The following NRXN3 variants were observed in gnomAD, a reference collection of about 807,000 sequenced individuals.
The protein encoded by NRXN3 is neurexin 3.
A neutral mutation model predicts 137.6 loss-of-function variants in NRXN3; 32 were observed. The observed-to-expected ratio is 0.23, with a 90% CI of 0.18 to 0.31. The LOEUF (loss-of-function observed/expected upper bound fraction) is 0.31. NRXN3 is among the 10% of genes least tolerant of loss of function. The pLI is 1.00. For synonymous variants in NRXN3, 798 were observed against 784.5 expected (o/e 1.02, Z -0.29); for missense variants, 1,574 against 2,062.5 (o/e 0.76, Z 4.59).
At chr14:78,832,257 C>A (rs975138513) in intron 10 of NRXN3, among the ~76,000 whole-genome samples, 1 of 151,680 alleles carries the variant, frequency 6.6e-6, no homozygotes, top group Non-Finnish European at 1.5e-5. Context: ...AGAAGTCTGC[C>A]TAAGATGTTG....
chr14:79,406,688 C>A (rs189598895), intron 15 of NRXN3, among the ~76,000 whole-genome samples: 1 of 152,096 alleles, frequency 6.6e-6, no homozygotes, highest in Admixed American at 6.5e-5. Flanking sequence ...TTTGGTTATT[C>A]ACTTCCAGGT....
chr14:79,610,826 A>G (rs1351717539), intron 16 of NRXN3, among the ~76,000 whole-genome samples: 3 of 152,224 alleles, frequency 2.0e-5, no homozygotes, highest in Admixed American at 6.5e-5. Flanking sequence ...CCCATTTATC[A>G]AAGCCTCTGT....
chr14:78,515,641 G>A (rs1401163523), intron 4 of NRXN3, among the ~76,000 whole-genome samples: 2 of 152,098 alleles, frequency 1.3e-5, no homozygotes, highest in African/African-American at 4.8e-5. Flanking sequence ...CAGGAGTTGA[G>A]CACAGATCCA....
intron 20 of NRXN3, among the ~76,000 whole-genome samples, chr14:79,852,773 T>G (rs1408617558): frequency 6.6e-6 from 1 of 152,134 alleles, no homozygotes; most frequent in Non-Finnish European, 1.5e-5. Context: ...GTCTGGTTGT[T>G]CATCTCTGAA....
At chr14:78,272,406 G>A (rs117972194) in intron 2 of NRXN3, among the ~76,000 whole-genome samples, 1,573 of 152,298 alleles carry the variant, frequency 0.01, 8 homozygotes, top group Non-Finnish European at 0.018. Context: ...GGAATTCTGG[G>A]TACCAGAGCA....
intron 4 of NRXN3, among the ~76,000 whole-genome samples, chr14:78,418,807 CTTCAT>C (rs756635434): frequency 1.3e-5 from 2 of 152,158 alleles, no homozygotes; most frequent in Non-Finnish European, 2.9e-5. Flanking sequence ...ACCTGGCTTA[CTTCAT>C]TTCAATTTAT....
At chr14:78,918,302 AAAAAAG>A (rs1286759573) in intron 10 of NRXN3, among the ~76,000 whole-genome samples, 22 of 146,366 alleles carry the variant, frequency 1.5e-4, no homozygotes, top group Admixed American at 5.3e-4. Flanking sequence ...AAAAAAAAAA[AAAAAAG>A]AGAGAGAGAG....
intron 1 of NRXN3, among the ~76,000 whole-genome samples, chr14:78,186,688 C>G (rs765914757): frequency 2.0e-5 from 3 of 152,148 alleles, no homozygotes; most frequent in Non-Finnish European, 4.4e-5. Flanking sequence ...CCTGAGCTGG[C>G]AAAAGAGGGC....
At chr14:79,236,240 A>T (rs2153315261) in intron 15 of NRXN3, among the ~76,000 whole-genome samples, 1 of 152,242 alleles carries the variant, frequency 6.6e-6, no homozygotes, top group Non-Finnish European at 1.5e-5. Flanking sequence ...CGTTCTCACA[A>T]ACTTATACAA....
chr14:78,179,863 TA>T (rs1303237180), intron 1 of NRXN3, among the ~76,000 whole-genome samples: 1 of 150,574 alleles, frequency 6.6e-6, no homozygotes, highest in African/African-American at 2.4e-5. Flanking sequence ...TTTCTTGTTT[TA>T]GACAGAATCC....
At chr14:79,258,929 T>C (rs771027558) in intron 15 of NRXN3, among the ~76,000 whole-genome samples, 2 of 152,182 alleles carry the variant, frequency 1.3e-5, no homozygotes, top group Admixed American at 6.5e-5. Flanking sequence ...TTTTGAGTAA[T>C]AGAACAAAGT....
chr14:79,600,839 G>C (rs561382261), intron 16 of NRXN3, among the ~76,000 whole-genome samples: 5 of 152,056 alleles, frequency 3.3e-5, no homozygotes, highest in African/African-American at 1.2e-4. Context: ...GATGAGCCCG[G>C]AGAATCTGGT....
intron 10 of NRXN3, among the ~76,000 whole-genome samples, chr14:78,846,774 C>A (rs1486719472): frequency 6.6e-6 from 1 of 152,076 alleles, no homozygotes; most frequent in African/African-American, 2.4e-5. Flanking sequence ...CTCAAAGTCT[C>A]CCTTGCTACT....
At chr14:78,974,737 G>A (rs12895928) in intron 14 of NRXN3, among the ~76,000 whole-genome samples, 13,040 of 152,006 alleles carry the variant, frequency 0.086, 857 homozygotes, top group Non-Finnish European at 0.11. Flanking sequence ...TATAGGAAAA[G>A]CTTTTAGTTT....
intron 16 of NRXN3, among the ~76,000 whole-genome samples, chr14:79,529,503 C>A (rs2097151024): frequency 6.6e-6 from 1 of 152,188 alleles, no homozygotes; most frequent in Admixed American, 6.5e-5. Context: ...ATGAGAGGGT[C>A]TCTCTCTTCC....
rs754141401 is a variant in NRXN3, at chr14:78,943,610, T to TAAAAAAAAA, written c.2276-13628_2276-13620dup. Among the ~76,000 whole-genome samples the TAAAAAAAAA allele has an allele frequency of 4.9e-4, 14 of 28,754 alleles. 1 individual carries two copies. The highest frequency in any genetic ancestry group is 2.5e-3 in the African/African-American group (13 of 5,136). 18.9% of individuals were successfully genotyped at this position (28,754 alleles called of 152,430 possible). On this transcript the variant is annotated intron_variant, in intron 10 of 20. Transcript: ENST00000335750. ...TTGAGAAAAGAAGCAAGATCACTGT[T>TAAAAAAAAA]AAAAAAAAAAAATATATATATATAT...
chr14:79,307,759 CCTCTCTTTCTCTCTCT>C (rs1218357365), intron 15 of NRXN3, among the ~76,000 whole-genome samples: 1 of 151,864 alleles, frequency 6.6e-6, no homozygotes, highest in African/African-American at 2.4e-5. Context: ...TTTCATTTCA[CCTCTCTTTCTCTCTCT>C]CTCTCTTTCT....
In NRXN3 at chr14:79,861,116, A is replaced by G. The variant is rs889984097; in HGVS notation, c.4094-226A>G. ...TATTGCTACTCGTGCACCTTCCATT[A>G]CACTCCCCCCTACCTTTCGCCCCCT... On this transcript the variant is annotated intron_variant, in intron 20 of 20. Transcript: ENST00000335750. The surrounding 1 kb of genome is among the most constrained non-coding windows in gnomAD (Gnocchi z 5.4). 8.1e-6 allele frequency: 12 copies of G among 1,473,540 alleles called. No individual in the cohort carries two copies. The highest frequency in any genetic ancestry group is 9.0e-6 in the Non-Finnish European group (10 of 1,115,902). 91.3% of individuals were successfully genotyped at this position (1,473,540 alleles called of 1,614,324 possible).
intron 1 of NRXN3, among the ~76,000 whole-genome samples, chr14:78,172,442 G>C (rs1022434862): frequency 6.6e-6 from 1 of 152,086 alleles, no homozygotes; most frequent in Non-Finnish European, 1.5e-5. Flanking sequence ...GGATGGAGGG[G>C]AGTGAGAGGA....
Sources: gnomAD v4.1 joint callset for allele counts (sites outside exome capture counted in the v4.1 genomes callset) on GRCh38, gnomAD v4.1.1 for gene constraint, Gnocchi (gnomAD v3.1) non-coding constraint, MANE v1.5 for transcripts, NCBI Gene and HGNC (gene_info 2026-07-23, HGNC 2026-07-21) for gene names.